The following KLHL29 variants were observed in gnomAD, a reference collection of about 807,000 sequenced individuals.
The protein encoded by KLHL29 is kelch like family member 29.
In KLHL29, 21 loss-of-function variants were observed where a neutral mutation model predicts 80.4. The ratio of observed to expected loss-of-function variants is 0.26; its 90% CI spans 0.19 to 0.38. KLHL29 has a LOEUF of 0.38. KLHL29 is among the 10% of genes least tolerant of loss of function. The pLI, the probability that KLHL29 is intolerant of heterozygous loss-of-function variation, is 1.00. For missense variants in KLHL29, 867 were observed against 1,223.9 expected (o/e 0.71, Z 4.35); for synonymous variants, 511 against 526.8 (o/e 0.97, Z 0.41).
At chr2:23,670,780 A>C (rs942511612) in intron 5 of KLHL29, among the ~76,000 whole-genome samples, 2 of 151,410 alleles carry the variant, frequency 1.3e-5, no homozygotes, top group Non-Finnish European at 1.5e-5. Context: ...CCCTAAACTG[A>C]CCCGGGCCAG....
chr2:23,581,437 T>A (rs947874874), intron 3 of KLHL29, among the ~76,000 whole-genome samples: 1 of 152,202 alleles, frequency 6.6e-6, no homozygotes, highest in Admixed American at 6.5e-5. Flanking sequence ...TGACTCCACT[T>A]GCGATGGAGT....
chr2:23,572,123 G>T (rs1355810520), intron 3 of KLHL29, among the ~76,000 whole-genome samples: 1 of 152,202 alleles, frequency 6.6e-6, no homozygotes, highest in African/African-American at 2.4e-5. Context: ...GCGGGTCTGT[G>T]TTTCTGTCTG....
chr2:23,641,181 C>G (rs1033528092), intron 4 of KLHL29, among the ~76,000 whole-genome samples: 1 of 152,208 alleles, frequency 6.6e-6, no homozygotes, highest in Non-Finnish European at 1.5e-5. Flanking sequence ...GTTTCCCTCA[C>G]AGGCCCCCTT....
chr2:23,621,201 A>G (rs551080776), intron 3 of KLHL29, among the ~76,000 whole-genome samples: 1 of 152,322 alleles, frequency 6.6e-6, no homozygotes, highest in African/African-American at 2.4e-5. Flanking sequence ...GCAGCAGCTG[A>G]GGAACTCTAC....
chr2:23,643,163 C>T (rs1669825228), intron 5 of KLHL29: 1 of 524,284 alleles, frequency 1.9e-6, no homozygotes, highest in Non-Finnish European at 3.6e-6. Context: ...CACCTCCAAC[C>T]CCCAAGGCCA....
chr2:23,533,360 A>T (rs976843310), intron 2 of KLHL29, among the ~76,000 whole-genome samples: 1 of 151,770 alleles, frequency 6.6e-6, no homozygotes, highest in Non-Finnish European at 1.5e-5. Context: ...CTGGCATTCT[A>T]CCCCCTTTGG....
At chr2:23,485,264 C>A (rs1299058177) in intron 2 of KLHL29, among the ~76,000 whole-genome samples, 1 of 152,238 alleles carries the variant, frequency 6.6e-6, no homozygotes, top group Non-Finnish European at 1.5e-5. Context: ...TCTTTGGTGG[C>A]AGGGACTGTC....
chr2:23,523,558 G>A (rs961281711), intron 2 of KLHL29, among the ~76,000 whole-genome samples: 1 of 152,198 alleles, frequency 6.6e-6, no homozygotes, highest in African/African-American at 2.4e-5. Context: ...CTGAAGCCAC[G>A]TCTGATTTGG....
chr2:23,532,813 C>T (rs766622071), intron 2 of KLHL29, among the ~76,000 whole-genome samples: 5 of 152,104 alleles, frequency 3.3e-5, no homozygotes, highest in South Asian at 4.2e-4. Flanking sequence ...CAAATCGAGG[C>T]GCGTTCAGGG....
intron 5 of KLHL29, among the ~76,000 whole-genome samples, chr2:23,648,210 C>T (rs1264738289): frequency 6.6e-6 from 1 of 152,164 alleles, no homozygotes; most frequent in Admixed American, 6.5e-5. Context: ...CCAGACCATA[C>T]AGGCTCTGGA....
chr2:23,694,999 A>G (rs906290060), intron 8 of KLHL29, among the ~76,000 whole-genome samples: 3 of 152,140 alleles, frequency 2.0e-5, no homozygotes, highest in African/African-American at 7.2e-5. Flanking sequence ...CTCGTTACTC[A>G]TGGGATGAAA....
At chr2:23,597,403 ATATATT>A (rs1558402859) in intron 3 of KLHL29, among the ~76,000 whole-genome samples, 87 of 39,736 alleles carry the variant, frequency 2.2e-3, no homozygotes, top group Non-Finnish European at 2.6e-3. Flanking sequence ...ATATATATAT[ATATATT>A]TTTTTTTTTT....
At chr2:23,539,161 GGGACCCT>G (rs1666761668) in intron 2 of KLHL29, among the ~76,000 whole-genome samples, 1 of 151,802 alleles carries the variant, frequency 6.6e-6, no homozygotes, top group Non-Finnish European at 1.5e-5. Flanking sequence ...GATGAGTGTA[GGGACCCT>G]GGATCCCTGA....
chr2:23,449,295 A>G (rs1402247220), intron 1 of KLHL29, among the ~76,000 whole-genome samples: 2 of 152,208 alleles, frequency 1.3e-5, no homozygotes, highest in African/African-American at 4.8e-5. Context: ...GATGGTGTCT[A>G]TCTAATGGCT....
chr2:23,641,437 G>A (rs918813), intron 4 of KLHL29, among the ~76,000 whole-genome samples: 14,340 of 152,084 alleles, frequency 0.094, 1,676 homozygotes, highest in East Asian at 0.45. Context: ...GCCCGGCCCC[G>A]GGCTCTAGCG....
At position 23,682,279 on chromosome 2, in the gene KLHL29, G is replaced by A. The variant is rs373047310; in HGVS notation, c.941-2120G>A. Among the ~76,000 whole-genome samples the A allele has an allele frequency of 5.3e-5, 8 of 152,156 alleles. No individual in the cohort carries two copies. The highest frequency in any genetic ancestry group is 4.2e-4 in the South Asian group (2 of 4,816). On this transcript the variant is annotated intron_variant, in intron 5 of 13. Transcript: ENST00000486442. This position sits in a 1 kb window ranked among gnomAD's most constrained non-coding sequence, Gnocchi z 4.1. Reference sequence around the variant, plus strand: ...CCCGCTGAGCGCTCCCTGTGTGCCCGCCACATGCTGTCTCATGGAACCTTC... The same window carrying A: ...CCCGCTGAGCGCTCCCTGTGTGCCCACCACATGCTGTCTCATGGAACCTTC...
At chr2:23,706,360 A>G in intron 13 of KLHL29, 121 bp from the exon 14 acceptor site, 2 of 700,144 alleles carry the variant, frequency 2.9e-6, no homozygotes, top group Non-Finnish European at 4.2e-6. Flanking sequence ...GGGCAGCAAG[A>G]TCCCAGATGC....
rs1671920985 is a variant in KLHL29 at position 23,695,875 on chromosome 2, G to A, written c.1741+54G>A. 2 of 1,535,082 alleles carry A rather than the reference G, an allele frequency of 1.3e-6. No homozygotes were observed. Among genetic ancestry groups the A allele is most frequent in the Non-Finnish European group, 1.8e-6 (2 of 1,139,440 alleles). ...AAGAAGCAGTGTCTTGGGCTCAGTG[G>A]TTCCAGTGAGGTGCCAGGCACAGAT... On this transcript the variant is annotated intron_variant, in intron 9 of 13. Transcript: ENST00000486442. The surrounding 1 kb of genome is among the most constrained non-coding windows in gnomAD (Gnocchi z 7.6).
chr2:23,698,565 T>TGTA (rs1185853960), intron 11 of KLHL29, among the ~76,000 whole-genome samples: 1 of 110,864 alleles, frequency 9.0e-6, no homozygotes, highest in East Asian at 5.4e-4. Context: ...TATGGTGCAT[T>TGTA]ATAATTATAT....
Sources: allele counts gnomAD v4.1 joint callset (sites outside exome capture counted in the v4.1 genomes callset), GRCh38; gene constraint gnomAD v4.1.1; non-coding constraint Gnocchi (gnomAD v3.1); transcripts MANE v1.5; gene names NCBI Gene and HGNC (gene_info 2026-07-23, HGNC 2026-07-21).